Variants in ACADSB observed in about 807,000 individuals in gnomAD.
ACADSB encodes short/branched chain specific acyl-CoA dehydrogenase, mitochondrial.
In ACADSB, 40 loss-of-function variants were observed where a neutral mutation model predicts 54.1. The ratio of observed to expected loss-of-function variants is 0.74; its 90% confidence interval spans 0.57 to 0.96. The LOEUF is 0.96. Ranked by LOEUF, ACADSB falls within the 40% of genes least tolerant of loss-of-function variation. The pLI is 0.00. For missense variants in ACADSB, 530 were observed against 510.4 expected, an observed-to-expected ratio of 1.04 and a Z score of -0.37; for synonymous variants, 182 against 182.8, an observed-to-expected ratio of 1.00 and a Z score of 0.03.
intron 2 of ACADSB, among the ~76,000 whole-genome samples, chr10:123,035,095 A>T (rs1419630254): frequency 6.6e-6 from 1 of 151,992 alleles, no homozygotes; most frequent in East Asian, 1.9e-4. Flanking sequence ...GACTACAGGC[A>T]CGTGCCACCA....
intron 1 of ACADSB, among the ~76,000 whole-genome samples, chr10:123,013,856 G>A (rs765116042): frequency 5.9e-5 from 9 of 152,146 alleles, no homozygotes; most frequent in Non-Finnish European, 1.2e-4. Context: ...CAAGCGCCAC[G>A]CAGCCCTGGT....
chr10:123,025,646 AGAAATT>A (rs1422781460), intron 1 of ACADSB, among the ~76,000 whole-genome samples: 6 of 152,182 alleles, frequency 3.9e-5, no homozygotes, highest in African/African-American at 1.4e-4. Flanking sequence ...GAACAGAAAA[AGAAATT>A]GAATAGAAAA....
At chr10:123,053,333 A>C (rs1245417796) in intron 10 of ACADSB, among the ~76,000 whole-genome samples, 173 bp downstream of exon 10, 1 of 152,184 alleles carries the variant, frequency 6.6e-6, no homozygotes, top group Non-Finnish European at 1.5e-5. Flanking sequence ...TCCTTCAAAA[A>C]AAATTGTTCT....
chr10:123,033,486 C>T (rs1324549199), intron 1 of ACADSB, among the ~76,000 whole-genome samples: 1 of 152,222 alleles, frequency 6.6e-6, no homozygotes, highest in African/African-American at 2.4e-5. Flanking sequence ...AAGGCACTCT[C>T]ATGGCAAGCA....
At chr10:123,018,714 A>T (rs1480198510) in intron 1 of ACADSB, among the ~76,000 whole-genome samples, 1 of 152,166 alleles carries the variant, frequency 6.6e-6, no homozygotes, top group Admixed American at 6.5e-5. Flanking sequence ...AGGCCCCACA[A>T]TTGTGGTGAG....
intron 1 of ACADSB, among the ~76,000 whole-genome samples, chr10:123,015,285 ATCAAAGAGTCTTTC>A (rs1416230597): frequency 1.3e-5 from 2 of 152,220 alleles, no homozygotes; most frequent in Non-Finnish European, 2.9e-5. Flanking sequence ...CCTGGCAACC[ATCAAAGAGTCTTTC>A]TCCTTTCTCT....
Position 123,037,759 on chromosome 10 carries a change from C to T in ACADSB, c.215C>T (p.Ala72Val). 1 of 1,608,446 alleles carries T rather than the reference C, an allele frequency of 6.2e-7. No homozygotes were observed. Among genetic ancestry groups the T allele is most frequent in the South Asian group, 1.1e-5 (1 of 90,952 alleles). The change falls in exon 3 of 11, where the codon GCT becomes GTT. Residue 72 changes from alanine (A) to valine (V), a missense_variant. Coordinates refer to ENST00000358776, the MANE Select transcript of ACADSB (RefSeq NM_001609.4). ...MMIKSSVKKF[A>V]QEQIAPLVST... ...CTTTTTCCTACAGTTAAAAAATTTG[C>T]TCAGGAACAAATTGCACCTTTGGTT...
chr10:123,017,299 C>T (rs544281075), intron 1 of ACADSB, among the ~76,000 whole-genome samples: 1 of 152,122 alleles, frequency 6.6e-6, no homozygotes, highest in South Asian at 2.1e-4. Context: ...AAGGCAAGCC[C>T]AACTCCTTTA....
Position 123,053,939 on chromosome 10 carries a change from C to T in ACADSB, c.*174C>T. 1 of 660,546 alleles carries T rather than the reference C, an allele frequency of 1.5e-6. No individual in the cohort carries two copies. 40.9% of individuals were successfully genotyped at this position (660,546 alleles called of 1,614,324 possible). ...GCCTTTTTGGTTTTCTCTTTTCAGG[C>T]TGTTTAACTTAGGCACAGGAGATCC... On this transcript the variant is annotated 3_prime_UTR_variant, in exon 11 of 11. Transcript: ENST00000358776.
intron 1 of ACADSB, among the ~76,000 whole-genome samples, chr10:123,023,385 A>C (rs757146859): frequency 1.3e-5 from 2 of 152,214 alleles, no homozygotes; most frequent in Non-Finnish European, 2.9e-5. Flanking sequence ...AGACTTATGT[A>C]CTTAATTTAT....
chr10:123,034,482 T>C lies in ACADSB; in HGVS notation c.169T>C (p.Phe57Leu). ...NGIHFAPLQT[F>L]TDEEMMIKSS... ...AATACACTTTGCTCCCCTGCAAACA[T>C]TTACAGATGAGGAAATGATGATAAA... The change falls in exon 2 of 11, where the codon TTT becomes CTT. Residue 57 changes from phenylalanine (F) to leucine (L), a missense_variant. By Grantham distance (22) the Phe-to-Leu change is conservative. Transcript: ENST00000358776. 6.2e-7 allele frequency: 1 copy of C among 1,611,644 alleles called. No homozygotes were observed. The highest frequency in any genetic ancestry group is 1.3e-5 in the African/African-American group (1 of 75,042).
At chr10:123,049,317 T>G (rs1263255879) in intron 8 of ACADSB, among the ~76,000 whole-genome samples, 2 of 152,230 alleles carry the variant, frequency 1.3e-5, no homozygotes, top group African/African-American at 4.8e-5. Flanking sequence ...CAATTGTTTA[T>G]TCAGTATAGA....
rs192523298 is a variant in ACADSB, at chr10:123,011,553, G to A, written c.42+2482G>A. 2.0e-3 allele frequency among the ~76,000 whole-genome samples: 299 copies of A among 147,302 alleles called. 1 individual carries two copies. The highest frequency in any genetic ancestry group is 7.1e-3 in the African/African-American group (282 of 39,764). On this transcript the variant is annotated intron_variant, in intron 1 of 10. Coordinates refer to ENST00000358776, the MANE Select transcript of ACADSB (RefSeq NM_001609.4). ...TTTTTTTTTTTTTTTTTGAGACGGA[G>A]TCTTACTCTGTCGCCCAGGTTGGAG...
At chr10:123,034,640 A>G in intron 2 of ACADSB, 125 bp downstream of exon 2, 1 of 1,036,038 alleles carries the variant, frequency 9.7e-7, no homozygotes, top group South Asian at 1.3e-5. Context: ...CCTCCTGAAT[A>G]GCTGGAAAAA....
rs776628240 is a variant in ACADSB, at chr10:123,051,046, C to T, written c.991-3C>T. 3.7e-6 allele frequency: 6 copies of T among 1,611,740 alleles called. No homozygotes were observed. The highest frequency in any genetic ancestry group is 3.3e-5 in the South Asian group (3 of 90,872). ...TTCTCTAACTTGGGCCTGACTGTTACAGGGCCTCCAACACCAAGTGGCTCA... is the reference window on the plus strand; with the variant it reads ...TTCTCTAACTTGGGCCTGACTGTTATAGGGCCTCCAACACCAAGTGGCTCA... On this transcript the variant is annotated splice_region_variant and splice_polypyrimidine_tract_variant and intron_variant, in intron 8 of 10. Transcript: ENST00000358776.
rs1264626383 is a variant in ACADSB at position 123,034,439 on chromosome 10, C to G, written c.126C>G (p.Leu42=). 3.1e-6 allele frequency: 5 copies of G among 1,613,222 alleles called. No individual in the cohort carries two copies. The East Asian group carries it at 8.9e-5, about 29-fold the overall frequency. Residue 42 remains leucine, a synonymous_variant, in exon 2 of 11, where the codon CTC becomes CTG. Transcript: ENST00000358776. ...AATCTTCCCAGTCAGAAGCTCTACTCAATATAACAAATAATGGAATACACT... is the reference window on the plus strand; with the variant it reads ...AATCTTCCCAGTCAGAAGCTCTACTGAATATAACAAATAATGGAATACACT... ...VSKSSQSEAL[L]NITNNGIHFA...
In ACADSB at chr10:123,053,004, G is replaced by GT. The variant is rs879146685; in HGVS notation, c.1129-54dup. On this transcript the variant is annotated intron_variant, in intron 9 of 10. Transcript: ENST00000358776. ...GTTGCTGAAAATGTTACCCAGAAGT[G>GT]TTTATCATGTATAAGTTATGTGGTT... The GT allele has an allele frequency of 1.5e-5, 21 of 1,374,280 alleles. No homozygotes were observed. In the South Asian group the frequency reaches 2.2e-4, roughly 14 times the overall value. 85.1% of individuals were successfully genotyped at this position (1,374,280 alleles called of 1,614,324 possible). A position where few individuals can be genotyped will look rare whatever the true frequency, so the allele number is the denominator to read the frequency against.
chr10:123,026,684 T>C (rs1361794081), intron 1 of ACADSB, among the ~76,000 whole-genome samples: 1 of 151,638 alleles, frequency 6.6e-6, no homozygotes, highest in African/African-American at 2.4e-5. Flanking sequence ...AAAAGCTCTC[T>C]AAGTCTTAAT....
chr10:123,043,149 C>T lies in ACADSB; in HGVS notation c.785C>T (p.Pro262Leu), dbSNP rs765678286. The T allele has an allele frequency of 3.9e-5, 63 of 1,613,668 alleles. No individual in the cohort carries two copies. The highest frequency in any genetic ancestry group is 2.3e-4 in the Admixed American group (14 of 59,978). ...KLGLRASSTC[P>L]LTFENVKVPE... ...GGGCTCAGAGCTTCTTCCACCTGCCCGTTAACATTCGAAAATGTCAAGGTG... is the reference window on the plus strand; with the variant it reads ...GGGCTCAGAGCTTCTTCCACCTGCCTGTTAACATTCGAAAATGTCAAGGTG... The change falls in exon 6 of 11, where the codon CCG becomes CTG. Residue 262 changes from proline (P) to leucine (L), a missense_variant. By Grantham distance (98) the Pro-to-Leu change is moderately conservative. Coordinates refer to ENST00000358776, the MANE Select transcript of ACADSB (RefSeq NM_001609.4).
Sources: gnomAD v4.1 joint callset for allele counts (sites outside exome capture counted in the v4.1 genomes callset) on GRCh38, gnomAD v4.1.1 for gene constraint, MANE v1.5 for transcripts, NCBI Gene and HGNC (gene_info 2026-07-23, HGNC 2026-07-21) for gene names.